Variants in PACS2 observed in about 807,000 individuals in gnomAD.
The protein encoded by PACS2 is PACS1-like protein.
Under a neutral mutation model 113.0 loss-of-function variants are expected in PACS2, and 36 were observed. The observed-to-expected ratio is 0.32, with a 90% CI of 0.24 to 0.42. The LOEUF is 0.42. Among genes scored for constraint, PACS2 ranks in the 10% least tolerant of loss-of-function variants. The probability of loss-of-function intolerance (pLI) is 1.00; values close to 1 mark genes in which losing one functional copy is unlikely to be tolerated. For synonymous variants in PACS2, 589 were observed against 536.1 expected (o/e 1.10, Z -1.36); for missense variants, 1,015 against 1,239.5 (o/e 0.82, Z 2.72).
chr14:105,360,935 C>T (rs2141091436), intron 4 of PACS2, among the ~76,000 whole-genome samples: 1 of 152,334 alleles, frequency 6.6e-6, no homozygotes, highest in South Asian at 2.1e-4. Flanking sequence ...TAAGAAACCA[C>T]TTTCGTTGCT....
intron 1 of PACS2, among the ~76,000 whole-genome samples, chr14:105,325,001 G>A (rs1370290046): frequency 6.6e-6 from 1 of 152,120 alleles, no homozygotes; most frequent in African/African-American, 2.4e-5. Flanking sequence ...CTCTGGGCCT[G>A]GCTGTTCCGC....
At chr14:105,362,413 T>C (rs1239745956) in intron 4 of PACS2, among the ~76,000 whole-genome samples, 18 of 127,446 alleles carry the variant, frequency 1.4e-4, no homozygotes, top group Non-Finnish European at 2.1e-4. Flanking sequence ...CGAGACTCCG[T>C]CTCAAAAAAA....
chr14:105,381,055 C>T lies in PACS2; in HGVS notation c.1224C>T (p.Ser408=), dbSNP rs781905845. The change falls in exon 12 of 25, where the codon AGC becomes AGT. Residue 408 remains serine, a synonymous_variant. Transcript: ENST00000447393. ...LDVFTERLPP[S]GRITKTESLV... Reference sequence around the variant, plus strand: ...TGTTCACGGAGAGGCTGCCGCCCAGCGGGAGGATCACCAAGACAGAGTCCC... The same window carrying T: ...TGTTCACGGAGAGGCTGCCGCCCAGTGGGAGGATCACCAAGACAGAGTCCC... 10 of 1,612,120 alleles carry T rather than the reference C, an allele frequency of 6.2e-6. No individual in the cohort carries two copies. Among genetic ancestry groups the T allele is most frequent in the East Asian group, 2.2e-5 (1 of 44,876 alleles).
intron 1 of PACS2, among the ~76,000 whole-genome samples, chr14:105,334,624 C>T (rs1367699056): frequency 1.3e-5 from 2 of 152,054 alleles, no homozygotes; most frequent in African/African-American, 2.4e-5. Context: ...CATAGAGCTC[C>T]ACCTGAGGGT....
intron 24 of PACS2, 188 bp downstream of exon 24, chr14:105,393,523 T>C: frequency 2.0e-6 from 1 of 488,450 alleles, no homozygotes; most frequent in East Asian, 3.5e-5. Context: ...GAGAAAGAAT[T>C]TTTTTTCAAC....
upstream of PACS2, among the ~76,000 whole-genome samples, chr14:105,314,137 G>A (rs2058439637): frequency 2.0e-5 from 3 of 151,904 alleles, no homozygotes; most frequent in Admixed American, 2.0e-4. Flanking sequence ...GCCAGGCCCG[G>A]CCACCTCCTT....
chr14:105,393,242 G>A lies in PACS2; in HGVS notation c.2503G>A (p.Ala835Thr). The A allele has an allele frequency of 6.2e-7, 1 of 1,612,888 alleles. No individual in the cohort carries two copies. Among genetic ancestry groups the A allele is most frequent in the South Asian group, 1.1e-5 (1 of 91,088 alleles). ...CCCAGTGATGTTTCTGCCCAAGAAA[G>A]CGAAGGACAAGGACGTGGAGTCTAA... ...NKKVMFLPKK[A>T]KDKDVESKSQ... Residue 835 changes from alanine (A) to threonine (T), a missense_variant, in exon 24 of 25, where the codon GCG (alanine) becomes ACG (threonine). Coordinates refer to ENST00000447393, the MANE Select transcript of PACS2 (RefSeq NM_001100913.3).
intron 1 of PACS2, among the ~76,000 whole-genome samples, chr14:105,332,651 G>T (rs2059348376): frequency 6.6e-6 from 1 of 152,196 alleles, no homozygotes; most frequent in Non-Finnish European, 1.5e-5. Context: ...CTCGGGCACT[G>T]CATGGCTTCT....
upstream of PACS2, among the ~76,000 whole-genome samples, chr14:105,313,120 A>G (rs1050924248): frequency 1.3e-5 from 2 of 151,952 alleles, no homozygotes; most frequent in African/African-American, 4.8e-5. Context: ...GCATCTCCTC[A>G]CTTGACCCCC....
intron 1 of PACS2, among the ~76,000 whole-genome samples, chr14:105,303,450 A>T (rs1359860299): frequency 6.6e-6 from 1 of 151,982 alleles, no homozygotes; most frequent in African/African-American, 2.4e-5. Context: ...TCACTGTGTT[A>T]GCCAGGATGG....
rs1248366276 is a variant in PACS2, at chr14:105,366,923, CCT to C, written c.424-286_424-285del. On this transcript the variant is annotated intron_variant, in intron 4 of 24. Transcript: ENST00000447393. The surrounding 1 kb of genome is among the most constrained non-coding windows in gnomAD (Gnocchi z 4.3). ...CCCTCGTGACTGTGCCTGGCACTGG[CCT>C]CTCCAGCACAGCCCAGTGCCCTCTG... Among the ~76,000 whole-genome samples, 11 of 152,280 alleles carry C rather than the reference CCT, an allele frequency of 7.2e-5. No homozygotes were observed. Among genetic ancestry groups the C allele is most frequent in the African/African-American group, 2.4e-4 (10 of 41,570 alleles).
At chr14:105,320,308 G>A (rs1344675348) in intron 1 of PACS2, among the ~76,000 whole-genome samples, 3 of 151,936 alleles carry the variant, frequency 2.0e-5, no homozygotes, top group African/African-American at 7.3e-5. Flanking sequence ...ACCTATTCCT[G>A]GAAAAATACT....
At chr14:105,379,250 G>C (rs1168094844) in intron 9 of PACS2, among the ~76,000 whole-genome samples, 1 of 152,248 alleles carries the variant, frequency 6.6e-6, no homozygotes. Flanking sequence ...GATGGGCCTG[G>C]GTGGTCTGAT....
chr14:105,371,235 C>T (rs1595727831), intron 8 of PACS2: 1 of 152,402 alleles, frequency 6.6e-6, no homozygotes, highest in Non-Finnish European at 1.5e-5. Context: ...CCAAGTGCAG[C>T]TGAAGATGGG....
At chr14:105,332,447 T>G (rs2059339560) in intron 1 of PACS2, among the ~76,000 whole-genome samples, 1 of 152,120 alleles carries the variant, frequency 6.6e-6, no homozygotes, top group African/African-American at 2.4e-5. Flanking sequence ...GGTGTGCCTG[T>G]GTGGCCGACC....
At chr14:105,391,605 G>A in intron 21 of PACS2, 26 bp from the exon 22 acceptor site, 1 of 1,541,676 alleles carries the variant, frequency 6.5e-7, no homozygotes, top group South Asian at 1.1e-5. Context: ...GGTGGGCTCA[G>A]CCTGCCCTGT....
intron 1 of PACS2, among the ~76,000 whole-genome samples, chr14:105,306,615 GT>G (rs930977513): frequency 6.7e-6 from 1 of 149,284 alleles, no homozygotes; most frequent in Non-Finnish European, 1.5e-5. Context: ...TTTTTTGGGG[GT>G]TTTTTTTGAG....
At chr14:105,390,856 C>T (rs2081331809) in intron 20 of PACS2, 4 of 358,230 alleles carry the variant, frequency 1.1e-5, no homozygotes, top group Admixed American at 4.4e-5. Context: ...GCCTGTGGCT[C>T]GTGGCTGCCA....
Position 105,354,258 on chromosome 14 carries a change from G to A in PACS2, c.298-794G>A, listed in dbSNP as rs183018137. On this transcript the variant is annotated intron_variant, in intron 3 of 24. Coordinates refer to ENST00000447393, the MANE Select transcript of PACS2 (RefSeq NM_001100913.3). This position sits in a 1 kb window ranked among gnomAD's most constrained non-coding sequence, Gnocchi z 4.2. The stretch of plus-strand genomic sequence containing the variant: ...GAACCCAGGAGGTGGAGGTGACAGT[G>A]AGCCCGGCTAATTTTTGTATTTTTG... 1.3e-5 allele frequency among the ~76,000 whole-genome samples: 2 copies of A among 152,126 alleles called. No homozygotes were observed. Among genetic ancestry groups the A allele is most frequent in the African/African-American group, 2.4e-5 (1 of 41,438 alleles).
Sources: allele counts gnomAD v4.1 joint callset (sites outside exome capture counted in the v4.1 genomes callset), GRCh38; gene constraint gnomAD v4.1.1; non-coding constraint Gnocchi (gnomAD v3.1); transcripts MANE v1.5; gene names NCBI Gene and HGNC (gene_info 2026-07-23, HGNC 2026-07-21).